TSHZ3: variants seen among roughly 807,000 people sequenced by gnomAD.
The protein encoded by TSHZ3 is teashirt zinc finger homeobox 3.
In TSHZ3, 10 loss-of-function variants were observed where a neutral mutation model predicts 64.5. The observed-to-expected ratio is 0.16, with a 90% CI of 0.10 to 0.26. The LOEUF (loss-of-function observed/expected upper bound fraction) is 0.26. Ranked by LOEUF, TSHZ3 falls within the 10% of genes least tolerant of loss-of-function variation. The pLI, the probability that TSHZ3 is intolerant of heterozygous loss-of-function variation, is 1.00. For synonymous variants in TSHZ3, 608 were observed against 593.1 expected, an observed-to-expected ratio of 1.03 and a Z score of -0.36; for missense variants, 1,242 against 1,421.7, an observed-to-expected ratio of 0.87 and a Z score of 2.03.
intron 4 of TSHZ3, among the ~76,000 whole-genome samples, chr19:31,226,499 C>G (rs1182612426): frequency 1.3e-5 from 2 of 152,128 alleles, no homozygotes; most frequent in African/African-American, 4.8e-5. Flanking sequence ...GTGAGGCCTC[C>G]CCAGCCACAT....
chr19:31,327,584 C>T (rs1001037067), intron 1 of TSHZ3, among the ~76,000 whole-genome samples: 14 of 152,182 alleles, frequency 9.2e-5, no homozygotes, highest in African/African-American at 3.4e-4. Flanking sequence ...CTGATTTCCA[C>T]TAGGTGATAC....
At chr19:31,263,044 G>T (rs1976000792) in intron 1 of TSHZ3, among the ~76,000 whole-genome samples, 1 of 152,154 alleles carries the variant, frequency 6.6e-6, no homozygotes, top group Admixed American at 6.5e-5. Context: ...CTAATTGATG[G>T]CAGTGCTGGC....
intron 1 of TSHZ3, among the ~76,000 whole-genome samples, chr19:31,262,245 T>C (rs1975989742): frequency 6.6e-6 from 1 of 152,242 alleles, no homozygotes; most frequent in Admixed American, 6.5e-5. Flanking sequence ...AGTGGAAATC[T>C]ACCTCCGCGG....
intron 4 of TSHZ3, among the ~76,000 whole-genome samples, chr19:31,209,485 C>T (rs1364461876): frequency 6.6e-6 from 1 of 152,110 alleles, no homozygotes; most frequent in East Asian, 1.9e-4. Context: ...CATAACCCAC[C>T]CTAAGTGGGG....
intron 5 of TSHZ3, among the ~76,000 whole-genome samples, chr19:31,166,771 T>C (rs1387164943): frequency 6.6e-6 from 1 of 152,206 alleles, no homozygotes; most frequent in Non-Finnish European, 1.5e-5. Flanking sequence ...CCCAAAAGAC[T>C]ATATGCCCCT....
chr19:31,198,923 C>G (rs1477558518), intron 5 of TSHZ3, among the ~76,000 whole-genome samples: 2 of 152,158 alleles, frequency 1.3e-5, no homozygotes, highest in Non-Finnish European at 2.9e-5. Context: ...TATTGACTAA[C>G]TGATTCTCCG....
At chr19:31,243,137 C>A (rs1391797110) in intron 1 of TSHZ3, among the ~76,000 whole-genome samples, 1 of 152,184 alleles carries the variant, frequency 6.6e-6, no homozygotes, top group Non-Finnish European at 1.5e-5. Flanking sequence ...CTGTCTGAAG[C>A]CTTCAATGAA....
At chr19:31,304,748 G>A (rs1976811237) in intron 1 of TSHZ3, among the ~76,000 whole-genome samples, 2 of 152,138 alleles carry the variant, frequency 1.3e-5, no homozygotes, top group South Asian at 4.1e-4. Flanking sequence ...TGTTTCTAAG[G>A]TAGTTTGTAA....
intron 1 of TSHZ3, among the ~76,000 whole-genome samples, chr19:31,325,285 C>A (rs1916901722): frequency 6.6e-6 from 1 of 152,196 alleles, no homozygotes; most frequent in African/African-American, 2.4e-5. Flanking sequence ...TGAACTTAGG[C>A]TGGTCTCAGT....
At chr19:31,318,879 C>G (rs1916683322) in intron 1 of TSHZ3, among the ~76,000 whole-genome samples, 1 of 152,192 alleles carries the variant, frequency 6.6e-6, no homozygotes. Context: ...GTCACCAATA[C>G]TGTGGCAAAC....
rs189313455 is a variant in TSHZ3, at chr19:31,193,131, T to A, written n.809+11825A>T. Among the ~76,000 whole-genome samples, 66 of 152,312 alleles carry A rather than the reference T, an allele frequency of 4.3e-4. No homozygotes were observed. The East Asian group carries it at 5.8e-3, about 13-fold the overall frequency. ...GTGAAAGAGAAAGGATCTTCTCTTG[T>A]CATTGCTAAGCCTGCTCTGCCTTTT... On this transcript the variant is annotated intron_variant and non_coding_transcript_variant, in intron 5 of 6. Coordinates refer to the TSHZ3 transcript ENST00000651361.
Position 31,279,104 on chromosome 19 carries a change from G to A in TSHZ3, c.689C>T (p.Thr230Met). The A allele has an allele frequency of 1.9e-6, 3 of 1,613,834 alleles. No homozygotes were observed. The highest frequency in any genetic ancestry group is 1.7e-6 in the Non-Finnish European group (2 of 1,179,902). Residue 230 changes from threonine (T) to methionine (M), a missense_variant, in exon 2 of 2, where the codon ACG becomes ATG. Thr to Met is a moderately conservative substitution (Grantham distance 81). Coordinates refer to ENST00000240587, the MANE Select transcript of TSHZ3 (RefSeq NM_020856.4). This position sits in a 1 kb window ranked among gnomAD's most constrained non-coding sequence, Gnocchi z 6.4. ...ATGCCCCGTCTCGTTCATGTGCACC[G>A]TCAACTCCACCAGGGTGTCGTAGGC... ...SAAYDTLVEL[T>M]VHMNETGHYR...
chr19:31,339,335 A>G (rs1310214710), intron 1 of TSHZ3, among the ~76,000 whole-genome samples: 3 of 151,434 alleles, frequency 2.0e-5, no homozygotes, highest in African/African-American at 7.3e-5. Flanking sequence ...AATGAGCATA[A>G]CCTCTCCCGT....
chr19:31,306,482 T>G (rs1234557046), intron 1 of TSHZ3, among the ~76,000 whole-genome samples: 1 of 152,174 alleles, frequency 6.6e-6, no homozygotes, highest in Non-Finnish European at 1.5e-5. Flanking sequence ...AAAGGCGGCT[T>G]CCATCATTGG....
chr19:31,158,783 A>C (rs1974336268), intron 5 of TSHZ3, among the ~76,000 whole-genome samples: 1 of 152,156 alleles, frequency 6.6e-6, no homozygotes, highest in Non-Finnish European at 1.5e-5. Context: ...ATCAGGCATT[A>C]GATTCTCATA....
intron 1 of TSHZ3, among the ~76,000 whole-genome samples, chr19:31,324,637 C>A (rs1377594610): frequency 6.6e-6 from 1 of 152,206 alleles, no homozygotes; most frequent in African/African-American, 2.4e-5. Flanking sequence ...AAATCTGCCC[C>A]ACCAGCATTC....
At chr19:31,292,968 C>CCCATCCATCCAACCAAAAACCCAT (rs1976596631) in intron 1 of TSHZ3, among the ~76,000 whole-genome samples, 1 of 144,930 alleles carries the variant, frequency 6.9e-6, no homozygotes, top group Non-Finnish European at 1.5e-5. Flanking sequence ...CAACCAAAAA[C>CCCATCCATCCAACCAAAAACCCAT]CCATCCATCC....
At chr19:31,340,443 C>T (rs959467858) in intron 1 of TSHZ3, among the ~76,000 whole-genome samples, 1 of 148,292 alleles carries the variant, frequency 6.7e-6, no homozygotes, top group African/African-American at 2.5e-5. Flanking sequence ...AAAATAATTC[C>T]CAGCATCTGA....
intron 1 of TSHZ3, among the ~76,000 whole-genome samples, chr19:31,283,822 G>A (rs760069925): frequency 3.3e-5 from 5 of 152,190 alleles, no homozygotes; most frequent in Non-Finnish European, 5.9e-5. Flanking sequence ...TGGATAGAAG[G>A]AAGGGCTCTG....
Sources: allele counts gnomAD v4.1 joint callset (sites outside exome capture counted in the v4.1 genomes callset), GRCh38; gene constraint gnomAD v4.1.1; non-coding constraint Gnocchi (gnomAD v3.1); transcripts MANE v1.5; gene names NCBI Gene and HGNC (gene_info 2026-07-23, HGNC 2026-07-21).